The following SPMIP8 variants were observed in gnomAD, a reference collection of about 807,000 sequenced individuals.
SPMIP8 encodes sperm microtubule inner protein 8.
chr16:57,985,453 C>G, the SPMIP8 span: 1 of 1,613,684 alleles, frequency 6.2e-7, no homozygotes, highest in African/African-American at 1.3e-5. Flanking sequence ...CCCGACTCAC[C>G]GCGCCCCTAT....
At chr16:57,977,255 CA>C in the SPMIP8 span, among the ~76,000 whole-genome samples, 2 of 151,768 alleles carry the variant, frequency 1.3e-5, no homozygotes, top group African/African-American at 4.8e-5. Context: ...ACTAAAAATA[CA>C]AAAACTAGTC....
chr16:57,987,119 C>T, the SPMIP8 span: 1 of 388,668 alleles, frequency 2.6e-6, no homozygotes, highest in African/African-American at 2.1e-5. Flanking sequence ...CATATGATGC[C>T]TAACAGAGTA....
chr16:57,981,219 A>G, the SPMIP8 span, among the ~76,000 whole-genome samples: 1 of 151,496 alleles, frequency 6.6e-6, no homozygotes, highest in Non-Finnish European at 1.5e-5. Flanking sequence ...TGTCTCTACT[A>G]AAAATACAAA....
At chr16:57,985,517 C>T in the SPMIP8 span, 6 of 1,610,942 alleles carry the variant, frequency 3.7e-6, no homozygotes, top group South Asian at 5.5e-5. Flanking sequence ...TGGACCGCTA[C>T]GGACAGAAGC....
the SPMIP8 span, among the ~76,000 whole-genome samples, chr16:57,980,414 G>A: frequency 2.0e-5 from 3 of 152,298 alleles, no homozygotes; most frequent in East Asian, 5.8e-4. Flanking sequence ...GTTCTTTTCA[G>A]GACGCGAAGC....
At chr16:57,983,020 ACT>A in the SPMIP8 span, among the ~76,000 whole-genome samples, 3 of 152,072 alleles carry the variant, frequency 2.0e-5, no homozygotes, top group Admixed American at 6.5e-5. Flanking sequence ...ACAGAGCGAG[ACT>A]CTGTCTCAAA....
chr16:57,984,410 C>T, the SPMIP8 span: 1 of 1,582,886 alleles, frequency 6.3e-7, no homozygotes, highest in East Asian at 2.3e-5. Flanking sequence ...GGGGCACCAG[C>T]CCCAAGCACC....
chr16:57,985,588 G>C, the SPMIP8 span: 1 of 1,555,834 alleles, frequency 6.4e-7, no homozygotes, highest in Non-Finnish European at 8.7e-7. Context: ...ATCTGGAGGA[G>C]GGAGGATGAG....
At chr16:57,984,034 C>G in the SPMIP8 span, among the ~76,000 whole-genome samples, 1 of 151,970 alleles carries the variant, frequency 6.6e-6, no homozygotes, top group Non-Finnish European at 1.5e-5. Context: ...CTCCCGAGTA[C>G]CCGGGATTAC....
chr16:57,987,159 A>G, the SPMIP8 span: 1 of 419,358 alleles, frequency 2.4e-6, no homozygotes, highest in Non-Finnish European at 4.2e-6. Context: ...AAATGGGTGA[A>G]GCTGTTCATA....
the SPMIP8 span, chr16:57,985,056 G>C: frequency 1.8e-6 from 2 of 1,115,758 alleles, no homozygotes; most frequent in Non-Finnish European, 2.5e-6. Flanking sequence ...TGCCCTGGTG[G>C]GGCAGCGGAG....
chr16:57,978,062 C>T, the SPMIP8 span: 11 of 1,600,362 alleles, frequency 6.9e-6, no homozygotes, highest in African/African-American at 1.1e-4. Flanking sequence ...GTGTAGGATC[C>T]CCTTTGGGGA....
At chr16:57,985,411 T>C in the SPMIP8 span, 2 of 1,612,194 alleles carry the variant, frequency 1.2e-6, no homozygotes. Flanking sequence ...CAGGAAGCCC[T>C]GTGTGGGGCG....
chr16:57,987,414 C>T, the SPMIP8 span: 2 of 1,597,844 alleles, frequency 1.3e-6, no homozygotes, highest in Non-Finnish European at 1.7e-6. Flanking sequence ...ACTACCTGAC[C>T]CCCTGGCATT....
the SPMIP8 span, among the ~76,000 whole-genome samples, chr16:57,980,407 C>CT: frequency 2.0e-5 from 3 of 152,196 alleles, no homozygotes; most frequent in Non-Finnish European, 2.9e-5. Context: ...GTCAAAAGTT[C>CT]TTTTCAGGAC....
At chr16:57,976,931 T>TATCC in the SPMIP8 span, among the ~76,000 whole-genome samples, 7 of 152,346 alleles carry the variant, frequency 4.6e-5, no homozygotes, top group African/African-American at 1.4e-4. Context: ...AGGCACTGGG[T>TATCC]ATCCAGTAAT....
chr16:57,977,407 C>CAAAAAAAAAAAAAAAA, the SPMIP8 span, among the ~76,000 whole-genome samples: 1 of 99,824 alleles, frequency 1.0e-5, no homozygotes, highest in African/African-American at 3.7e-5. Context: ...GAGACTGTCT[C>CAAAAAAAAAAAAAAAA]AAAAAAAAAA....
the SPMIP8 span, chr16:57,978,151 C>G: frequency 7.8e-7 from 1 of 1,283,048 alleles, no homozygotes; most frequent in South Asian, 1.5e-5. Flanking sequence ...GCTCCCTGCC[C>G]AGGACACTTT....
chr16:57,981,395 T>A, the SPMIP8 span, among the ~76,000 whole-genome samples: 47,210 of 127,542 alleles, frequency 0.37, 10,412 homozygotes, highest in African/African-American at 0.64. Flanking sequence ...TAATAATAAT[T>A]ATTATTATTA....
Sources: gnomAD v4.1 joint callset for allele counts (sites outside exome capture counted in the v4.1 genomes callset) on GRCh38, gnomAD v4.1.1 for gene constraint, MANE v1.5 for transcripts, NCBI Gene and HGNC (gene_info 2026-07-23, HGNC 2026-07-21) for gene names.